Variants in FAT2 observed in about 807,000 individuals in gnomAD.
FAT2 encodes the protein FAT atypical cadherin 2.
A neutral mutation model predicts 295.3 loss-of-function variants in FAT2; 150 were observed. The ratio of observed to expected loss-of-function variants is 0.51; its 90% CI spans 0.44 to 0.58. The LOEUF is 0.58. Among genes scored for constraint, FAT2 ranks in the 20% least tolerant of loss-of-function variants. The pLI, the probability that FAT2 is intolerant of heterozygous loss-of-function variation, is 0.00. For synonymous variants in FAT2, 2,026 were observed against 2,150.3 expected (o/e 0.94, Z 1.60); for missense variants, 4,868 against 5,442.7 (o/e 0.89, Z 3.32).
chr5:151,545,013 C>T lies in FAT2; in HGVS notation c.6114G>A (p.Leu2038=). Residue 2038 remains leucine, a synonymous_variant, in exon 10 of 24, where the codon TTG becomes TTA. Transcript: ENST00000261800. ...TCCGATTGTCCCTCACTTCCACTGC[C>T]AACTCATGAGTGTCCTGCTGCTCCC... ...FDREQQDTHE[L]AVEVRDNRTP... 1.2e-6 allele frequency: 2 copies of T among 1,614,188 alleles called. No homozygotes were observed. Among genetic ancestry groups the T allele is most frequent in the Non-Finnish European group, 1.7e-6 (2 of 1,180,026 alleles).
chr5:151,566,118 C>T lies in FAT2; in HGVS notation c.2814G>A (p.Leu938=), dbSNP rs747020881. The change falls in exon 2 of 24, where the codon CTG becomes CTA. Residue 938 remains leucine, a synonymous_variant. Coordinates refer to ENST00000261800, the MANE Select transcript of FAT2 (RefSeq NM_001447.3). Reference sequence around the variant, plus strand: ...GAAATGTCAAGACAGTCCCGGGGGGCAGGTCCTCTGGAACCTTCAGCCTGT... The same window carrying T: ...GAAATGTCAAGACAGTCCCGGGGGGTAGGTCCTCTGGAACCTTCAGCCTGT... ...EHNRLKVPED[L]PPGTVLTFLD... is the part of the protein sequence containing the mutation. 22 of 1,614,040 alleles carry T rather than the reference C, an allele frequency of 1.4e-5. No homozygotes were observed. Among genetic ancestry groups the T allele is most frequent in the Admixed American group, 5.0e-5 (3 of 60,004 alleles).
chr5:151,566,062 G>T lies in FAT2; in HGVS notation c.2870C>A (p.Ala957Glu). The change falls in exon 2 of 24, where the codon GCA becomes GAA. Residue 957 changes from alanine to glutamate, a missense_variant. Physicochemically the swap from Ala to Glu is moderately radical, Grantham distance 107. Transcript: ENST00000261800. The part of the protein sequence containing the change: ...LDASDPDLGP[A>E]GEVRYVLMDG... ...CATCAGAACATATCGCACTTCACCT[G>T]CGGGGCCCAGGTCAGGATCAGAGGC... is the stretch of plus-strand genomic sequence containing the variant. 6.2e-7 allele frequency: 1 copy of T among 1,614,128 alleles called. No individual in the cohort carries two copies. Among genetic ancestry groups the T allele is most frequent in the Non-Finnish European group, 8.5e-7 (1 of 1,180,026 alleles).
intron 1 of FAT2, among the ~76,000 whole-genome samples, chr5:151,587,584 C>G (rs1759227058): frequency 6.6e-6 from 1 of 152,198 alleles, no homozygotes; most frequent in Non-Finnish European, 1.5e-5. Flanking sequence ...GAATCTATAA[C>G]CCAGCTACTG....
At chr5:151,525,325 A>G (rs1753876596) in intron 18 of FAT2, among the ~76,000 whole-genome samples, 1 of 152,162 alleles carries the variant, frequency 6.6e-6, no homozygotes, top group Non-Finnish European at 1.5e-5. Context: ...TGTGCATACA[A>G]TATCTCACTT....
At chr5:151,538,556 A>G (rs1755738575) in intron 11 of FAT2, among the ~76,000 whole-genome samples, 1 of 152,194 alleles carries the variant, frequency 6.6e-6, no homozygotes, top group South Asian at 2.1e-4. Context: ...GAGCTCCCTG[A>G]GAATTCAATT....
chr5:151,540,213 T>G (rs997545596), intron 11 of FAT2, among the ~76,000 whole-genome samples: 1 of 152,212 alleles, frequency 6.6e-6, no homozygotes, highest in Non-Finnish European at 1.5e-5. Flanking sequence ...CAGCTTGGTA[T>G]ATCCCTATGG....
At chr5:151,522,214 A>G (rs1217845785) in intron 18 of FAT2, 128 bp from the exon 19 acceptor site, 1 of 668,466 alleles carries the variant, frequency 1.5e-6, no homozygotes, top group Admixed American at 3.2e-5. Flanking sequence ...GGCTCAGCGC[A>G]TTGTTGCATT....
chr5:151,544,321 G>A lies in FAT2; in HGVS notation c.6806C>T (p.Pro2269Leu). ...EVLVEDVNDN[P>L]PTFSQLVYTT... The stretch of plus-strand genomic sequence containing the variant: ...ATAGACCAATTGGGAAAAAGTGGGA[G>A]GGTTATCATTGACATCCTCCACTAG... The change falls in exon 10 of 24, where the codon CCT becomes CTT. Residue 2269 changes from proline (P) to leucine (L), a missense_variant. Physicochemically the swap from Pro to Leu is moderately conservative, Grantham distance 98. Transcript: ENST00000261800. 1 of 1,614,200 alleles carries A rather than the reference G, an allele frequency of 6.2e-7. No individual in the cohort carries two copies. The highest frequency in any genetic ancestry group is 8.5e-7 in the Non-Finnish European group (1 of 1,180,044).
At chr5:151,518,374 A>ATTATTATTATTATTATTATT (rs60093109) in intron 19 of FAT2, among the ~76,000 whole-genome samples, 2 of 147,392 alleles carry the variant, frequency 1.4e-5, no homozygotes, top group South Asian at 2.2e-4. Context: ...TAATAATAAT[A>ATTATTATTATTATTATTATT]ATTTTTAAAA....
chr5:151,544,482 C>G lies in FAT2; in HGVS notation c.6645G>C (p.Leu2215=), dbSNP rs1240458581. Residue 2215 remains leucine (L), a synonymous_variant, in exon 10 of 24, where the codon CTG becomes CTC. Transcript: ENST00000261800. Reference sequence around the variant, plus strand: ...CACCAGTCTTGAAGTCAGTGGTGAACAGCATCAAGGGTTCTTCCTCCACAA... The same window carrying G: ...CACCAGTCTTGAAGTCAGTGGTGAAGAGCATCAAGGGTTCTTCCTCCACAA... The part of the protein sequence containing the change: ...YNIVEEEPLM[L]FTTDFKTGVL... 2 of 1,614,132 alleles carry G rather than the reference C, an allele frequency of 1.2e-6. No homozygotes were observed. The highest frequency in any genetic ancestry group is 1.7e-6 in the Non-Finnish European group (2 of 1,180,022).
intron 1 of FAT2, among the ~76,000 whole-genome samples, chr5:151,588,916 C>T (rs1226145729): frequency 6.6e-6 from 1 of 152,146 alleles, no homozygotes; most frequent in African/African-American, 2.4e-5. Context: ...ATGATGATCC[C>T]CATCTTTCAA....
intron 1 of FAT2, among the ~76,000 whole-genome samples, chr5:151,582,434 G>A (rs975473772): frequency 6.6e-6 from 1 of 152,196 alleles, no homozygotes; most frequent in African/African-American, 2.4e-5. Context: ...CTGAGGGGAT[G>A]GGGGTGAGGG....
At chr5:151,593,262 C>T (rs539048469), upstream of FAT2, among the ~76,000 whole-genome samples, 1 of 152,244 alleles carries the variant, frequency 6.6e-6, no homozygotes, top group African/African-American at 2.4e-5. Context: ...GCCCCACGGG[C>T]CCTTTGATTA....
rs1358299080 is a variant in FAT2 at position 151,537,731 on chromosome 5, A to G, written c.9193+62T>C. ...TCTTCTCCAAGGAGAATACCATGGCACTGGGCACTTGGTATTCAGTAAAGA... is the reference window on the plus strand; with the variant it reads ...TCTTCTCCAAGGAGAATACCATGGCGCTGGGCACTTGGTATTCAGTAAAGA... On this transcript the variant is annotated intron_variant, in intron 12 of 23. Coordinates refer to ENST00000261800, the MANE Select transcript of FAT2 (RefSeq NM_001447.3). 4.0e-6 allele frequency: 6 copies of G among 1,495,072 alleles called. No homozygotes were observed. The African/African-American group carries it at 8.3e-5, about 21-fold the overall frequency. The allele number at this position is 1,495,072 out of a possible 1,614,324, so 92.6% of individuals were successfully genotyped here.
At chr5:151,572,182 T>C (rs1432864) in intron 1 of FAT2, among the ~76,000 whole-genome samples, 1 of 152,004 alleles carries the variant, frequency 6.6e-6, no homozygotes, top group Non-Finnish European at 1.5e-5. Context: ...GACTGTCTTC[T>C]TGGACTCCAT....
chr5:151,592,038 T>C (rs1297010074), upstream of FAT2, among the ~76,000 whole-genome samples: 1 of 152,222 alleles, frequency 6.6e-6, no homozygotes, highest in Non-Finnish European at 1.5e-5. Context: ...TTCATAAGGT[T>C]GTACAGATTC....
At chr5:151,593,134 G>A (rs367931417), upstream of FAT2, among the ~76,000 whole-genome samples, 31 of 152,320 alleles carry the variant, frequency 2.0e-4, no homozygotes, top group African/African-American at 5.5e-4. Flanking sequence ...TACTGTGATC[G>A]ACTCCCAGGG....
chr5:151,584,797 GATCT>G (rs1466250716), intron 1 of FAT2, among the ~76,000 whole-genome samples: 1 of 152,246 alleles, frequency 6.6e-6, no homozygotes, highest in Non-Finnish European at 1.5e-5. Flanking sequence ...TGGAACAAAT[GATCT>G]ATCTGACTTG....
rs1276350400 is a variant in FAT2, at chr5:151,505,284, C to A, written c.*281G>T. The A allele has an allele frequency of 1.0e-5, 5 of 491,904 alleles. No individual in the cohort carries two copies. The highest frequency in any genetic ancestry group is 1.0e-4 in the African/African-American group (5 of 50,238). 30.5% of individuals were successfully genotyped at this position (491,904 alleles called of 1,614,324 possible). A position where few individuals can be genotyped will look rare whatever the true frequency, so the allele number is the denominator to read the frequency against. On this transcript the variant is annotated 3_prime_UTR_variant, in exon 24 of 24. Coordinates refer to ENST00000261800, the MANE Select transcript of FAT2 (RefSeq NM_001447.3). ...TCAGGGAGCCCTCCTGTCTCTCGCC[C>A]ACCCCGGGAGTCAATTGTTCCTGGT...
Sources: allele counts gnomAD v4.1 joint callset (sites outside exome capture counted in the v4.1 genomes callset), GRCh38; gene constraint gnomAD v4.1.1; transcripts MANE v1.5; gene names NCBI Gene and HGNC (gene_info 2026-07-23, HGNC 2026-07-21).